LRMDA: variants seen among roughly 807,000 people sequenced by gnomAD.
LRMDA encodes the protein leucine rich melanocyte differentiation associated, also known as leucine-rich melanocyte differentiation-associated protein.
In LRMDA, 18 loss-of-function variants were observed where a neutral mutation model predicts 29.8. That is an observed-to-expected ratio of 0.60 (90% CI 0.42 to 0.90). The LOEUF (loss-of-function observed/expected upper bound fraction) is 0.90. Among genes scored for constraint, LRMDA ranks in the 40% least tolerant of loss-of-function variants. The pLI, the probability that LRMDA is intolerant of heterozygous loss-of-function variation, is 0.00. For missense variants in LRMDA, 273 were observed against 273.9 expected, an observed-to-expected ratio of 1.00 and a Z score of 0.02; for synonymous variants, 125 against 109.4, an observed-to-expected ratio of 1.14 and a Z score of -0.89.
At chr10:75,627,040 G>A (rs1841259205) in intron 2 of LRMDA, among the ~76,000 whole-genome samples, 1 of 152,208 alleles carries the variant, frequency 6.6e-6, no homozygotes, top group Non-Finnish European at 1.5e-5. Context: ...CCTCCCTGGA[G>A]GAAGGGCTGC....
At chr10:75,503,141 G>A (rs1845133621) in intron 2 of LRMDA, among the ~76,000 whole-genome samples, 1 of 151,840 alleles carries the variant, frequency 6.6e-6, no homozygotes, top group Non-Finnish European at 1.5e-5. Context: ...TCTAGGGAAT[G>A]TCCATTTTGG....
intron 6 of LRMDA, among the ~76,000 whole-genome samples, chr10:76,463,578 G>A (rs1267996379): frequency 1.3e-5 from 2 of 152,144 alleles, no homozygotes; most frequent in Non-Finnish European, 2.9e-5. Flanking sequence ...GTTTTAGAGT[G>A]TTTGAGCAGA....
At chr10:75,501,374 G>A (rs1845111488) in intron 2 of LRMDA, among the ~76,000 whole-genome samples, 1 of 152,204 alleles carries the variant, frequency 6.6e-6, no homozygotes, top group African/African-American at 2.4e-5. Flanking sequence ...CTTTCCTGGT[G>A]TGTGTTTAAA....
intron 6 of LRMDA, among the ~76,000 whole-genome samples, chr10:76,432,749 A>G (rs1383659295): frequency 6.6e-6 from 1 of 152,204 alleles, no homozygotes; most frequent in Non-Finnish European, 1.5e-5. Context: ...TGTCACTGCC[A>G]GTTAGTCATG....
At chr10:76,076,355 A>AG in intron 5 of LRMDA, among the ~76,000 whole-genome samples, 1 of 151,496 alleles carries the variant, frequency 6.6e-6, no homozygotes, top group South Asian at 2.1e-4. Flanking sequence ...CAAAAAAAAA[A>AG]AAAAAAAAAA....
At chr10:75,503,981 CATTT>C (rs766985496) in intron 2 of LRMDA, among the ~76,000 whole-genome samples, 5 of 150,726 alleles carry the variant, frequency 3.3e-5, no homozygotes, top group Non-Finnish European at 7.4e-5. Context: ...TCCATTCATT[CATTT>C]GTGTGTTAGG....
intron 6 of LRMDA, among the ~76,000 whole-genome samples, chr10:76,481,121 G>T (rs1419766292): frequency 6.6e-6 from 1 of 151,856 alleles, no homozygotes; most frequent in Non-Finnish European, 1.5e-5. Context: ...GGATCATGAG[G>T]ACTTCTAGAT....
intron 5 of LRMDA, among the ~76,000 whole-genome samples, chr10:76,227,425 C>T (rs749438929): frequency 1.1e-4 from 16 of 152,166 alleles, no homozygotes; most frequent in Non-Finnish European, 2.1e-4. Context: ...TGATTGACAA[C>T]TGGCTCCATG....
At chr10:76,435,957 G>A (rs2132287167) in intron 6 of LRMDA, among the ~76,000 whole-genome samples, 1 of 152,334 alleles carries the variant, frequency 6.6e-6, no homozygotes, top group African/African-American at 2.4e-5. Flanking sequence ...AAACTGGGCT[G>A]AAGCAAAATG....
chr10:76,213,984 TC>T (rs1268061337), intron 5 of LRMDA, among the ~76,000 whole-genome samples: 1 of 152,174 alleles, frequency 6.6e-6, no homozygotes, highest in African/African-American at 2.4e-5. Context: ...ACACTGCACA[TC>T]TACCTGGATC....
At chr10:76,319,612 G>A (rs987989735) in intron 5 of LRMDA, among the ~76,000 whole-genome samples, 6 of 152,124 alleles carry the variant, frequency 3.9e-5, no homozygotes, top group African/African-American at 1.4e-4. Flanking sequence ...CATATAGTAG[G>A]TGGTTATTAA....
chr10:76,392,967 A>G (rs750606984), intron 6 of LRMDA, among the ~76,000 whole-genome samples: 1 of 152,102 alleles, frequency 6.6e-6, no homozygotes. Flanking sequence ...GGCATATTTT[A>G]CTAAACATAA....
At chr10:75,872,582 G>A (rs770231872) in intron 2 of LRMDA, among the ~76,000 whole-genome samples, 22 of 152,174 alleles carry the variant, frequency 1.4e-4, no homozygotes, top group Non-Finnish European at 1.0e-4. Context: ...GGGATTACAG[G>A]TGTGAGCCAC....
chr10:75,979,393 A>G (rs1210201451), intron 2 of LRMDA, among the ~76,000 whole-genome samples: 1 of 152,228 alleles, frequency 6.6e-6, no homozygotes, highest in Admixed American at 6.5e-5. Flanking sequence ...CTAGTGCTTT[A>G]TGTTTAAAGT....
chr10:75,954,149 C>T (rs1484517789), intron 2 of LRMDA, among the ~76,000 whole-genome samples: 1 of 152,154 alleles, frequency 6.6e-6, no homozygotes. Context: ...CTGAATTCTG[C>T]CTGCCACCTG....
chr10:76,115,381 C>T (rs999823336), intron 5 of LRMDA, among the ~76,000 whole-genome samples: 3 of 152,158 alleles, frequency 2.0e-5, no homozygotes, highest in Admixed American at 6.5e-5. Context: ...TGTGGATTGG[C>T]GAGGCCAAGA....
At chr10:76,477,829 T>G (rs2132323414) in intron 6 of LRMDA, among the ~76,000 whole-genome samples, 1 of 152,248 alleles carries the variant, frequency 6.6e-6, no homozygotes, top group Middle Eastern at 3.4e-3. Context: ...CAAATGGTGC[T>G]GGGAAAACTG....
chr10:75,874,953 T>C (rs1845171797), intron 2 of LRMDA, among the ~76,000 whole-genome samples: 1 of 152,248 alleles, frequency 6.6e-6, no homozygotes, highest in Admixed American at 6.5e-5. Flanking sequence ...CACATCTGTG[T>C]GTGCACATGC....
chr10:75,818,270 G>A (rs960798421), intron 2 of LRMDA, among the ~76,000 whole-genome samples: 1 of 152,124 alleles, frequency 6.6e-6, no homozygotes, highest in Non-Finnish European at 1.5e-5. Context: ...GCCACTAGTG[G>A]TATTGCTCCC....
Sources: allele counts gnomAD v4.1 joint callset (sites outside exome capture counted in the v4.1 genomes callset), GRCh38; gene constraint gnomAD v4.1.1; transcripts MANE v1.5; gene names NCBI Gene and HGNC (gene_info 2026-07-23, HGNC 2026-07-21).